The following RAPGEF4 variants were observed in gnomAD, a reference collection of about 807,000 sequenced individuals.
RAPGEF4 encodes the protein RAP guanine-nucleotide-exchange factor (GEF) 4.
In RAPGEF4, 66 loss-of-function variants were observed where a neutral mutation model predicts 147.9. That is an observed-to-expected ratio of 0.45 (90% CI 0.37 to 0.55). The LOEUF (loss-of-function observed/expected upper bound fraction) is 0.55. RAPGEF4 is among the 20% of genes least tolerant of loss of function. The pLI is 0.00. For synonymous variants in RAPGEF4, 419 were observed against 442.7 expected (o/e 0.95, Z 0.67); for missense variants, 1,071 against 1,257.3 (o/e 0.85, Z 2.24).
intron 4 of RAPGEF4, among the ~76,000 whole-genome samples, chr2:172,818,903 T>G (rs1688776395): frequency 6.6e-6 from 1 of 152,182 alleles, no homozygotes; most frequent in African/African-American, 2.4e-5. Context: ...TTTAATTCTA[T>G]CCCCAATACC....
chr2:172,746,698 C>G (rs574900319), intron 1 of RAPGEF4, among the ~76,000 whole-genome samples: 4 of 151,846 alleles, frequency 2.6e-5, no homozygotes, highest in Non-Finnish European at 5.9e-5. Flanking sequence ...CTGCAAACTC[C>G]GCCTCCCGGG....
intron 6 of RAPGEF4, among the ~76,000 whole-genome samples, chr2:172,935,006 G>T (rs1244971980): frequency 1.3e-5 from 2 of 152,098 alleles, no homozygotes; most frequent in Non-Finnish European, 2.9e-5. Context: ...GTGAGGCCCT[G>T]TCACTACAAA....
chr2:172,810,974 G>A (rs984507017), intron 3 of RAPGEF4, among the ~76,000 whole-genome samples: 1 of 152,206 alleles, frequency 6.6e-6, no homozygotes, highest in African/African-American at 2.4e-5. Context: ...TAACAGAATG[G>A]GAAAATTAGA....
In RAPGEF4 at chr2:172,834,628, A is replaced by G. The variant is rs144938852; in HGVS notation, c.444+20203A>G. On this transcript the variant is annotated intron_variant, in intron 4 of 30. Transcript: ENST00000397081. ...GCTTTTTTCTTCTTCTTCTTCTTCTAATTGGAACATTTGGGATTTCAGGTT... is the reference window on the plus strand; with the variant it reads ...GCTTTTTTCTTCTTCTTCTTCTTCTGATTGGAACATTTGGGATTTCAGGTT... Among the ~76,000 whole-genome samples the G allele has an allele frequency of 1.1e-3, 165 of 152,272 alleles. 1 individual carries two copies. The highest frequency in any genetic ancestry group is 6.8e-3 in the Middle Eastern group (2 of 294).
intron 17 of RAPGEF4, among the ~76,000 whole-genome samples, chr2:173,003,328 G>A (rs1349162182): frequency 6.6e-6 from 1 of 152,182 alleles, no homozygotes; most frequent in Non-Finnish European, 1.5e-5. Context: ...AAGCAAACAG[G>A]CGTGGAAGAG....
intron 1 of RAPGEF4, among the ~76,000 whole-genome samples, chr2:172,788,753 G>A (rs1053328017): frequency 1.3e-5 from 2 of 152,084 alleles, no homozygotes; most frequent in Non-Finnish European, 1.5e-5. Context: ...AATTAGAAGA[G>A]CATGGTGATG....
chr2:172,828,304 A>G (rs1424326728), intron 4 of RAPGEF4, among the ~76,000 whole-genome samples: 1 of 152,158 alleles, frequency 6.6e-6, no homozygotes, highest in African/African-American at 2.4e-5. Flanking sequence ...TGTGACAGAC[A>G]GGAAGATGCC....
At chr2:172,914,306 A>G (rs540246374) in intron 4 of RAPGEF4, among the ~76,000 whole-genome samples, 1 of 147,414 alleles carries the variant, frequency 6.8e-6, no homozygotes, top group East Asian at 2.0e-4. Context: ...TAGCTCAGTC[A>G]AAGGAAATAT....
At chr2:172,931,981 GC>G (rs3835837) in intron 6 of RAPGEF4, among the ~76,000 whole-genome samples, 6,951 of 136,998 alleles carry the variant, frequency 0.051, 176 homozygotes, top group Non-Finnish European at 0.069. Flanking sequence ...ACTCCCATGC[GC>G]CCCCCACCCC....
intron 10 of RAPGEF4, among the ~76,000 whole-genome samples, chr2:172,975,846 G>A (rs1355106981): frequency 2.0e-5 from 3 of 152,274 alleles, no homozygotes; most frequent in Non-Finnish European, 4.4e-5. Context: ...GTGTTTTAAA[G>A]GAAAATATTT....
chr2:172,740,514 T>G (rs1239154895), intron 1 of RAPGEF4, among the ~76,000 whole-genome samples: 1 of 152,242 alleles, frequency 6.6e-6, no homozygotes, highest in East Asian at 1.9e-4. Context: ...ATTTTAGCTA[T>G]TTTGATTAGG....
chr2:173,014,476 G>A lies in RAPGEF4; in HGVS notation c.1671G>A (p.Gln557=), dbSNP rs780343043. The part of the protein sequence containing the change: ...CPALVAHYHA[Q]PSQGTEQEKM... Reference sequence around the variant, plus strand: ...GACTCCTCGGCACCTACCACGCACAGCCTTCACAAGGTACAGAACAGGAGA... The same window carrying A: ...GACTCCTCGGCACCTACCACGCACAACCTTCACAAGGTACAGAACAGGAGA... The change falls in exon 18 of 31, where the codon CAG becomes CAA. Residue 557 remains glutamine (Q), a synonymous_variant. Transcript: ENST00000397081. 3.7e-6 allele frequency: 6 copies of A among 1,613,930 alleles called. No homozygotes were observed. Among genetic ancestry groups the A allele is most frequent in the Non-Finnish European group, 5.1e-6 (6 of 1,179,938 alleles).
intron 4 of RAPGEF4, among the ~76,000 whole-genome samples, chr2:172,832,922 A>G (rs1690516941): frequency 6.6e-6 from 1 of 152,242 alleles, no homozygotes; most frequent in South Asian, 2.1e-4. Flanking sequence ...CCAGATTTCA[A>G]AAAAATATGC....
intron 1 of RAPGEF4, among the ~76,000 whole-genome samples, chr2:172,738,093 G>GTTTA (rs574307659): frequency 2.9e-3 from 445 of 152,216 alleles, no homozygotes; most frequent in Middle Eastern, 0.024. Context: ...TACTTAGATT[G>GTTTA]TTTATTTATT....
intron 2 of RAPGEF4, 84 bp from the exon 3 acceptor site, chr2:172,797,441 G>T (rs769917878): frequency 7.5e-6 from 8 of 1,068,464 alleles, no homozygotes; most frequent in African/African-American, 1.6e-5. Context: ...TCCAAGACAT[G>T]CTTGGACCAG....
Position 173,026,667 on chromosome 2 carries a change from T to C in RAPGEF4, c.2349T>C (p.Tyr783=). ...ATTTAGCATACCAGATGACAATTTA[T>C]GATTGGGAACTCTTCAACTGCGTGC... The part of the protein sequence containing the change: ...SKDLAYQMTI[Y]DWELFNCVHE... Residue 783 remains tyrosine, a synonymous_variant, in exon 24 of 31, where the codon TAT becomes TAC. Transcript: ENST00000397081. The C allele has an allele frequency of 6.2e-7, 1 of 1,614,084 alleles. No individual in the cohort carries two copies. Among genetic ancestry groups the C allele is most frequent in the Non-Finnish European group, 8.5e-7 (1 of 1,179,990 alleles).
intron 17 of RAPGEF4, 148 bp from the exon 18 acceptor site, chr2:173,014,316 G>A: frequency 2.1e-6 from 2 of 938,466 alleles, no homozygotes; most frequent in South Asian, 1.5e-5. Flanking sequence ...GACACTTTCT[G>A]TGGGGTTTTT....
At chr2:172,854,137 A>C (rs1044657241) in intron 4 of RAPGEF4, among the ~76,000 whole-genome samples, 1 of 152,016 alleles carries the variant, frequency 6.6e-6, no homozygotes, top group Non-Finnish European at 1.5e-5. Flanking sequence ...TTCAGGTCTT[A>C]TATGTCCCCA....
intron 26 of RAPGEF4, among the ~76,000 whole-genome samples, chr2:173,032,746 G>A (rs113496998): frequency 2.0e-5 from 3 of 152,294 alleles, no homozygotes; most frequent in African/African-American, 7.2e-5. Flanking sequence ...AAACAAAATC[G>A]GGGTTTTACA....
Sources: gnomAD v4.1 joint callset for allele counts (sites outside exome capture counted in the v4.1 genomes callset) on GRCh38, gnomAD v4.1.1 for gene constraint, MANE v1.5 for transcripts, NCBI Gene and HGNC (gene_info 2026-07-23, HGNC 2026-07-21) for gene names.